The following LAMA2 variants were observed in gnomAD, a reference collection of about 807,000 sequenced individuals.
LAMA2 encodes the protein laminin subunit alpha-2.
Under a neutral mutation model 364.8 loss-of-function variants are expected in LAMA2, and 269 were observed. That is an observed-to-expected ratio of 0.74 (90% CI 0.67 to 0.82). The LOEUF (loss-of-function observed/expected upper bound fraction) is 0.82, where lower values mean the gene tolerates loss of function less well. Ranked by LOEUF, LAMA2 falls within the 40% of genes least tolerant of loss-of-function variation. The pLI is 0.00. For synonymous variants in LAMA2, 1,379 were observed against 1,370.6 expected (o/e 1.01, Z -0.14); for missense variants, 3,807 against 3,873.2 (o/e 0.98, Z 0.45).
intron 1 of LAMA2, among the ~76,000 whole-genome samples, chr6:128,888,126 G>A (rs954294406): frequency 3.3e-5 from 5 of 152,134 alleles, no homozygotes; most frequent in Non-Finnish European, 7.3e-5. Context: ...CTCCGTTTCA[G>A]TAAATGAGAA....
chr6:129,151,141 GC>G (rs1778767962), intron 7 of LAMA2, among the ~76,000 whole-genome samples: 1 of 152,146 alleles, frequency 6.6e-6, no homozygotes, highest in South Asian at 2.1e-4. Context: ...TACAGACAGA[GC>G]GGGGTAGGCT....
Position 129,016,379 on chromosome 6 carries a change from C to A in LAMA2, c.113-33539C>A, listed in dbSNP as rs76826367. Among the ~76,000 whole-genome samples the A allele has an allele frequency of 3.2e-3, 493 of 152,066 alleles. 4 individuals are homozygous for A. The highest frequency in any genetic ancestry group is 4.6e-3 in the Non-Finnish European group (314 of 67,878). The stretch of plus-strand genomic sequence containing the variant: ...GTGCACATGTGTACAAAGACATATT[C>A]AAGAATGCTCATAACAGCACTATTA... On this transcript the variant is annotated intron_variant, in intron 1 of 64. Transcript: ENST00000421865.
chr6:129,152,516 G>A lies in LAMA2; in HGVS notation c.1028-1989G>A, dbSNP rs142375456. On this transcript the variant is annotated intron_variant, in intron 7 of 64. Transcript: ENST00000421865. ...GTACAGGCATATTATCATGATCCTC[G>A]TCATTATTATACAAGTGCTACCACT... Among the ~76,000 whole-genome samples the A allele has an allele frequency of 4.9e-3, 749 of 152,152 alleles. 12 individuals carry two copies. The highest frequency in any genetic ancestry group is 0.017 in the African/African-American group (707 of 41,500).
At chr6:129,270,847 T>C (rs185422502) in intron 17 of LAMA2, 96 bp downstream of exon 17, 1 of 1,292,096 alleles carries the variant, frequency 7.7e-7, no homozygotes, top group East Asian at 2.4e-5. Flanking sequence ...CCCATGTAAA[T>C]AAATAATAAA....
intron 1 of LAMA2, among the ~76,000 whole-genome samples, chr6:128,962,199 C>CAT (rs1781579799): frequency 7.4e-6 from 1 of 136,048 alleles, no homozygotes; most frequent in African/African-American, 2.7e-5. Flanking sequence ...CACATACACA[C>CAT]ACACATACAC....
chr6:129,100,362 A>G (rs1473014263), intron 4 of LAMA2, among the ~76,000 whole-genome samples: 1 of 152,182 alleles, frequency 6.6e-6, no homozygotes, highest in East Asian at 1.9e-4. Flanking sequence ...TCTATTTGTC[A>G]CTCATGGGGA....
intron 35 of LAMA2, among the ~76,000 whole-genome samples, chr6:129,388,672 T>TACACACACACAC (rs1489793369): frequency 1.8e-4 from 28 of 152,278 alleles, no homozygotes; most frequent in African/African-American, 6.7e-4. Flanking sequence ...AGCTGATTTA[T>TACACACACACAC]ACACGCACAC....
chr6:129,129,816 T>C (rs1002036848), intron 4 of LAMA2, among the ~76,000 whole-genome samples: 3 of 145,638 alleles, frequency 2.1e-5, no homozygotes, highest in Non-Finnish European at 4.5e-5. Flanking sequence ...CCCAGCTACT[T>C]GGGAGGCTGA....
chr6:128,900,191 A>T (rs1582629689), intron 1 of LAMA2, among the ~76,000 whole-genome samples: 1 of 152,334 alleles, frequency 6.6e-6, no homozygotes, highest in Middle Eastern at 3.4e-3. Flanking sequence ...TTAATCAAAC[A>T]TCTGGAGGTC....
intron 4 of LAMA2, among the ~76,000 whole-genome samples, chr6:129,103,324 A>G (rs569510425): frequency 5.7e-4 from 87 of 152,352 alleles, no homozygotes; most frequent in African/African-American, 2.0e-3. Flanking sequence ...TTAAGTTTAC[A>G]CACATGTATG....
At chr6:129,211,733 C>T (rs1783112486) in intron 12 of LAMA2, among the ~76,000 whole-genome samples, 1 of 152,174 alleles carries the variant, frequency 6.6e-6, no homozygotes, top group South Asian at 2.1e-4. Flanking sequence ...TCTAATCACC[C>T]TATCCCCCAG....
At chr6:129,109,395 G>A (rs1052030247) in intron 4 of LAMA2, among the ~76,000 whole-genome samples, 136 of 152,060 alleles carry the variant, frequency 8.9e-4, no homozygotes, top group African/African-American at 2.9e-3. Context: ...AATCTTTTTC[G>A]TGTCCATTTC....
At chr6:129,483,064 CT>C (rs201874099) in intron 55 of LAMA2, among the ~76,000 whole-genome samples, 43,926 of 133,586 alleles carry the variant, frequency 0.33, 7,754 homozygotes, top group African/African-American at 0.5. Context: ...GAGACTCCGA[CT>C]CGAAAAAAAA....
intron 3 of LAMA2, among the ~76,000 whole-genome samples, chr6:129,097,603 T>C (rs1241534118): frequency 6.6e-6 from 1 of 152,182 alleles, no homozygotes; most frequent in Non-Finnish European, 1.5e-5. Flanking sequence ...TCCATTATTT[T>C]CTATTTGGGG....
chr6:128,883,795 TATATATAC>T (rs1198049824), intron 1 of LAMA2, among the ~76,000 whole-genome samples: 2 of 132,928 alleles, frequency 1.5e-5, no homozygotes, highest in African/African-American at 6.7e-5. Flanking sequence ...ATTATATATA[TATATATAC>T]ACACACACAC....
At chr6:129,329,870 G>A (rs915520137) in intron 29 of LAMA2, among the ~76,000 whole-genome samples, 5 of 152,152 alleles carry the variant, frequency 3.3e-5, no homozygotes, top group Admixed American at 6.5e-5. Flanking sequence ...AGGAGCAAGC[G>A]CAGCTTCATT....
chr6:129,100,664 T>C (rs1775469071), intron 4 of LAMA2, among the ~76,000 whole-genome samples: 1 of 152,180 alleles, frequency 6.6e-6, no homozygotes, highest in Admixed American at 6.5e-5. Context: ...TCGCTAAACT[T>C]AAAAATGGTT....
intron 32 of LAMA2, among the ~76,000 whole-genome samples, chr6:129,362,496 G>A (rs1777523198): frequency 1.3e-5 from 2 of 151,986 alleles, no homozygotes; most frequent in Admixed American, 6.6e-5. Flanking sequence ...CACATGCCAT[G>A]CTCAAACATT....
chr6:128,903,069 A>G (rs958706151), intron 1 of LAMA2, among the ~76,000 whole-genome samples: 1 of 152,094 alleles, frequency 6.6e-6, no homozygotes, highest in African/African-American at 2.4e-5. Flanking sequence ...TTCATATATT[A>G]GAGTGTTAAA....
Sources: allele counts gnomAD v4.1 joint callset (sites outside exome capture counted in the v4.1 genomes callset), GRCh38; gene constraint gnomAD v4.1.1; transcripts MANE v1.5; gene names NCBI Gene and HGNC (gene_info 2026-07-23, HGNC 2026-07-21).